Variants in KLHL13 observed in about 807,000 individuals in gnomAD.
KLHL13 encodes kelch like family member 13.
KLHL13 carries 10 observed loss-of-function variants against 37.1 expected under a neutral mutation model. The ratio of observed to expected loss-of-function variants is 0.27; its 90% CI spans 0.17 to 0.46. The LOEUF is 0.46. Ranked by LOEUF, KLHL13 falls within the 20% of genes least tolerant of loss-of-function variation. The pLI is 1.00. For missense variants in KLHL13, 360 were observed against 509.3 expected, an observed-to-expected ratio of 0.71 and a Z score of 2.82; for synonymous variants, 163 against 181.2, an observed-to-expected ratio of 0.90 and a Z score of 0.81.
At chrX:118,091,927 C>G (rs2055140616) in intron 1 of KLHL13, among the ~76,000 whole-genome samples, 1 of 112,087 alleles carries the variant, frequency 8.9e-6, no homozygotes, top group Non-Finnish European at 1.9e-5. Context: ...ATATACATAT[C>G]AGAATATTCT....
intron 6 of KLHL13, among the ~76,000 whole-genome samples, chrX:117,901,127 A>T (rs1037495747): frequency 4.5e-5 from 5 of 111,677 alleles, no homozygotes; most frequent in Non-Finnish European, 9.4e-5. Flanking sequence ...GAAGAAGGAA[A>T]CCCATATTAT....
intron 1 of KLHL13, among the ~76,000 whole-genome samples, chrX:118,054,486 AG>A (rs1171572553): frequency 8.9e-6 from 1 of 111,885 alleles, no homozygotes; most frequent in East Asian, 2.8e-4. Flanking sequence ...TTTAAGCTGA[AG>A]AATTCTGGTT....
At chrX:118,037,090 A>C (rs1332896074) in intron 1 of KLHL13, among the ~76,000 whole-genome samples, 1 of 95,683 alleles carries the variant, frequency 1.0e-5, no homozygotes, top group Non-Finnish European at 2.1e-5. Context: ...AAAGTCAGGA[A>C]ACCACAGGTG....
chrX:118,014,419 G>T (rs756572452), intron 1 of KLHL13, among the ~76,000 whole-genome samples: 1 of 112,009 alleles, frequency 8.9e-6, no homozygotes, highest in East Asian at 2.8e-4. Flanking sequence ...ATTCTAGTCA[G>T]ACCAGTTCTC....
chrX:117,902,925 C>T (rs939756163), intron 5 of KLHL13, among the ~76,000 whole-genome samples: 3 of 110,606 alleles, frequency 2.7e-5, no homozygotes, highest in Non-Finnish European at 3.8e-5. Flanking sequence ...AAGCTAAAAA[C>T]GAAATTTAAT....
intron 1 of KLHL13, among the ~76,000 whole-genome samples, chrX:118,059,616 C>T (rs183594937): frequency 2.7e-5 from 3 of 111,533 alleles, no homozygotes; most frequent in African/African-American, 9.8e-5. Flanking sequence ...ACCAGTAGTA[C>T]AAATAATATA....
intron 1 of KLHL13, among the ~76,000 whole-genome samples, chrX:118,042,498 T>C (rs2054515420): frequency 8.9e-6 from 1 of 111,926 alleles, no homozygotes; most frequent in Admixed American, 9.5e-5. Context: ...TGAAGTTACA[T>C]CAAGCATCTT....
At position 118,049,946 on chromosome X, in the gene KLHL13, T is replaced by C. The variant is rs748500103; in HGVS notation, c.-56+66562A>G. Among the ~76,000 whole-genome samples, 3 of 112,914 alleles carry C rather than the reference T, an allele frequency of 2.7e-5. No individual in the cohort carries two copies. In the Admixed American group the frequency reaches 2.8e-4, roughly 11 times the overall value. On this transcript the variant is annotated intron_variant, in intron 1 of 6. Coordinates refer to the KLHL13 transcript ENST00000371882. ...TAGTCACTGAAGCAATCTGCCCATG[T>C]CACCACCATGTGGTCACTATCATTG...
intron 1 of KLHL13, among the ~76,000 whole-genome samples, chrX:117,957,333 C>A (rs897635092): frequency 2.7e-5 from 3 of 112,072 alleles, no homozygotes; most frequent in Non-Finnish European, 3.8e-5. Context: ...GCTTGCCGAA[C>A]AGAAGCCAAA....
chrX:117,935,915 T>C (rs1932751503), intron 2 of KLHL13, among the ~76,000 whole-genome samples: 1 of 111,697 alleles, frequency 9.0e-6, no homozygotes, highest in Non-Finnish European at 1.9e-5. Flanking sequence ...CTACAATTGA[T>C]TGTGGTGACA....
chrX:118,022,540 C>G (rs1409814738), intron 1 of KLHL13, among the ~76,000 whole-genome samples: 2 of 111,951 alleles, frequency 1.8e-5, no homozygotes, highest in Non-Finnish European at 3.8e-5. Flanking sequence ...CTAATAGGTG[C>G]AAGGTGATAT....
At chrX:117,970,576 A>C (rs2053508177) in intron 1 of KLHL13, among the ~76,000 whole-genome samples, 1 of 111,614 alleles carries the variant, frequency 9.0e-6, no homozygotes, top group Non-Finnish European at 1.9e-5. Flanking sequence ...GAATTATGCT[A>C]TACTTAAGTA....
At chrX:117,899,297 G>A (rs1411911256) in exon 7 of KLHL13, 1 of 1,211,298 alleles carries the variant, frequency 8.3e-7, no homozygotes, top group East Asian at 3.0e-5. Flanking sequence ...ATGCAATGCA[G>A]ACCTCTGACA....
At chrX:117,931,184 GAAGA>G (rs1351879041) in intron 2 of KLHL13, among the ~76,000 whole-genome samples, 1 of 111,860 alleles carries the variant, frequency 8.9e-6, no homozygotes, top group East Asian at 2.8e-4. Flanking sequence ...AACTAAAAAT[GAAGA>G]GAGAAAGTAA....
intron 1 of KLHL13, among the ~76,000 whole-genome samples, chrX:118,051,939 G>A (rs2054618433): frequency 9.0e-6 from 1 of 111,514 alleles, no homozygotes; most frequent in South Asian, 3.8e-4. Context: ...ACTTTTTCCA[G>A]TGGATATTAA....
intron 1 of KLHL13, among the ~76,000 whole-genome samples, chrX:118,072,188 T>C (rs2054876753): frequency 9.1e-6 from 1 of 110,281 alleles, no homozygotes; most frequent in African/African-American, 3.3e-5. Context: ...TATCTACAAC[T>C]ATGTGATCTT....
intron 1 of KLHL13, among the ~76,000 whole-genome samples, chrX:117,965,753 T>C (rs1602605033): frequency 1.8e-5 from 2 of 111,468 alleles, no homozygotes; most frequent in South Asian, 3.8e-4. Context: ...GTTCAACATA[T>C]GCAAATCAAT....
At chrX:118,016,726 G>A (rs926880277) in intron 1 of KLHL13, among the ~76,000 whole-genome samples, 1 of 111,516 alleles carries the variant, frequency 9.0e-6, no homozygotes, top group African/African-American at 3.3e-5. Flanking sequence ...AAGCTCTCCT[G>A]ATCTTGTGAT....
intron 1 of KLHL13, among the ~76,000 whole-genome samples, chrX:117,966,025 A>G (rs1482653077): frequency 9.0e-6 from 1 of 111,704 alleles, no homozygotes; most frequent in Non-Finnish European, 1.9e-5. Context: ...CACCACTCCT[A>G]TTCAACATAG....
Sources: allele counts gnomAD v4.1 joint callset (sites outside exome capture counted in the v4.1 genomes callset), GRCh38; gene constraint gnomAD v4.1.1; transcripts MANE v1.5; gene names NCBI Gene and HGNC (gene_info 2026-07-23, HGNC 2026-07-21).